The following SLC39A11 variants were observed in gnomAD, a reference collection of about 807,000 sequenced individuals.
SLC39A11 encodes solute carrier family 39 member 11, also known as zinc transporter ZIP11.
SLC39A11 carries 33 observed loss-of-function variants against 36.1 expected under a neutral mutation model. The ratio of observed to expected loss-of-function variants is 0.91; its 90% CI spans 0.69 to 1.22. The LOEUF is 1.22. Ranked by LOEUF, SLC39A11 falls within the 50% of genes most tolerant of loss-of-function variation. SLC39A11 has a pLI of 0.00. For missense variants in SLC39A11, 432 were observed against 430.3 expected (o/e 1.00, Z -0.03); for synonymous variants, 166 against 170.3 (o/e 0.97, Z 0.20).
At chr17:72,805,728 T>C (rs1388774477) in intron 6 of SLC39A11, among the ~76,000 whole-genome samples, 1 of 151,826 alleles carries the variant, frequency 6.6e-6, no homozygotes, top group Non-Finnish European at 1.5e-5. Flanking sequence ...GGCTCAGAGT[T>C]AATTTTTTTT....
At chr17:73,028,845 C>T (rs1329701784) in intron 4 of SLC39A11, among the ~76,000 whole-genome samples, 1 of 150,046 alleles carries the variant, frequency 6.7e-6, no homozygotes, top group Non-Finnish European at 1.5e-5. Flanking sequence ...CAGCCGGGCA[C>T]GGTGGCTCAT....
chr17:72,726,908 A>G (rs1176119338), intron 7 of SLC39A11, among the ~76,000 whole-genome samples: 1 of 152,104 alleles, frequency 6.6e-6, no homozygotes, highest in Admixed American at 6.5e-5. Flanking sequence ...TCCTTTACCA[A>G]GTGTCTGGGT....
intron 7 of SLC39A11, among the ~76,000 whole-genome samples, chr17:72,678,695 A>G (rs4793302): frequency 0.49 from 72,445 of 148,352 alleles, 17,625 homozygotes; most frequent in Admixed American, 0.54. Context: ...AGAAAAAAAA[A>G]AGAGAGAAAC....
rs1018610285 is a variant in SLC39A11, at chr17:72,967,121, T to C, written c.307-19246A>G. On this transcript the variant is annotated intron_variant, in intron 4 of 9. Coordinates refer to ENST00000255559, the MANE Select transcript of SLC39A11 (RefSeq NM_139177.4). ...CTCAGGGCTCCCACTGATTGTCCAT[T>C]ATGGTGAGTTATATAATCATTTCAT... Among the ~76,000 whole-genome samples, 46 of 152,068 alleles carry C rather than the reference T, an allele frequency of 3.0e-4. 2 individuals carry two copies. Among genetic ancestry groups the C allele is most frequent in the Non-Finnish European group, 4.4e-5 (3 of 68,024 alleles).
intron 6 of SLC39A11, among the ~76,000 whole-genome samples, chr17:72,748,313 C>T (rs1407620794): frequency 1.1e-5 from 1 of 87,844 alleles, no homozygotes; most frequent in East Asian, 2.2e-4. Context: ...TAGAGGGAGA[C>T]TCCATCTCAA....
chr17:72,869,312 A>C (rs2080483412), intron 5 of SLC39A11, among the ~76,000 whole-genome samples: 1 of 152,224 alleles, frequency 6.6e-6, no homozygotes, highest in African/African-American at 2.4e-5. Flanking sequence ...TGTGCATGTT[A>C]AATACGGAAG....
intron 4 of SLC39A11, among the ~76,000 whole-genome samples, chr17:73,009,084 G>C (rs981109462): frequency 6.7e-6 from 1 of 148,152 alleles, no homozygotes; most frequent in Non-Finnish European, 1.5e-5. Context: ...AAAAAGGCAG[G>C]GGGGCGGGGT....
At chr17:72,853,334 G>A (rs565096263) in intron 5 of SLC39A11, among the ~76,000 whole-genome samples, 1 of 151,962 alleles carries the variant, frequency 6.6e-6, no homozygotes, top group African/African-American at 2.4e-5. Context: ...TGCCCCTTGG[G>A]GATTTTATAA....
intron 7 of SLC39A11, among the ~76,000 whole-genome samples, chr17:72,695,196 G>A (rs2072235848): frequency 1.3e-5 from 2 of 152,152 alleles, no homozygotes; most frequent in South Asian, 4.1e-4. Context: ...TTGGGTCTCT[G>A]CCTCAGTGTC....
chr17:72,843,698 T>C (rs2078921016), intron 6 of SLC39A11, among the ~76,000 whole-genome samples: 1 of 152,214 alleles, frequency 6.6e-6, no homozygotes, highest in Non-Finnish European at 1.5e-5. Flanking sequence ...ACCCATTGTA[T>C]GGCATTTTGT....
At chr17:73,020,050 C>T (rs991472461) in intron 4 of SLC39A11, among the ~76,000 whole-genome samples, 1 of 124,424 alleles carries the variant, frequency 8.0e-6, no homozygotes, top group African/African-American at 2.5e-5. Context: ...CACACTCCTT[C>T]TCCTTCTATC....
At chr17:72,991,879 ATATGT>A (rs1322406997) in intron 4 of SLC39A11, among the ~76,000 whole-genome samples, 1 of 152,330 alleles carries the variant, frequency 6.6e-6, no homozygotes, top group East Asian at 1.9e-4. Context: ...TTGTCATGGG[ATATGT>A]TATATCTTCA....
chr17:72,715,641 G>T (rs1009976654), intron 7 of SLC39A11, among the ~76,000 whole-genome samples: 4 of 152,150 alleles, frequency 2.6e-5, no homozygotes, highest in Non-Finnish European at 5.9e-5. Context: ...GGGCTGGGGG[G>T]AGATAAGGAA....
chr17:72,702,130 T>C (rs2072673956), intron 7 of SLC39A11, among the ~76,000 whole-genome samples: 1 of 152,062 alleles, frequency 6.6e-6, no homozygotes, highest in Non-Finnish European at 1.5e-5. Flanking sequence ...AAAAAGAACA[T>C]AGACATTTCT....
intron 5 of SLC39A11, among the ~76,000 whole-genome samples, chr17:72,903,378 GC>G (rs774438014): frequency 1.3e-5 from 2 of 151,990 alleles, no homozygotes; most frequent in Non-Finnish European, 2.9e-5. Flanking sequence ...GCCCATTGCA[GC>G]CCCTGATGCT....
At chr17:72,990,574 G>A (rs1184454109) in intron 4 of SLC39A11, among the ~76,000 whole-genome samples, 3 of 152,074 alleles carry the variant, frequency 2.0e-5, no homozygotes, top group Non-Finnish European at 4.4e-5. Flanking sequence ...ACAGGTGCAC[G>A]CCACCAGGTC....
chr17:72,892,725 G>A (rs1488983013), intron 5 of SLC39A11, among the ~76,000 whole-genome samples: 2 of 152,122 alleles, frequency 1.3e-5, no homozygotes, highest in Non-Finnish European at 2.9e-5. Flanking sequence ...GAAACAATTG[G>A]TCCACAATCC....
intron 6 of SLC39A11, among the ~76,000 whole-genome samples, chr17:72,744,379 G>A (rs2074842313): frequency 6.6e-6 from 1 of 152,030 alleles, no homozygotes; most frequent in East Asian, 1.9e-4. Flanking sequence ...GTCTTCAGAG[G>A]TTGCCAAATG....
chr17:72,737,540 C>T (rs978053106), intron 6 of SLC39A11, among the ~76,000 whole-genome samples: 2 of 152,116 alleles, frequency 1.3e-5, no homozygotes, highest in African/African-American at 2.4e-5. Context: ...AAGGTTGATA[C>T]AGCAGCCCAA....
Sources: allele counts gnomAD v4.1 joint callset (sites outside exome capture counted in the v4.1 genomes callset), GRCh38; gene constraint gnomAD v4.1.1; transcripts MANE v1.5; gene names NCBI Gene and HGNC (gene_info 2026-07-23, HGNC 2026-07-21).